Variants in EMX1 observed in about 807,000 individuals in gnomAD.
EMX1 encodes the protein homeobox protein EMX1.
In EMX1, 10 loss-of-function variants were observed where a neutral mutation model predicts 20.1. The observed-to-expected ratio is 0.50, with a 90% CI of 0.31 to 0.84. The LOEUF (loss-of-function observed/expected upper bound fraction) is 0.84, where lower values mean the gene tolerates loss of function less well. EMX1 is among the 40% of genes least tolerant of loss of function. EMX1 has a pLI of 0.05. For synonymous variants in EMX1, 250 were observed against 200.4 expected (o/e 1.25, Z -2.09); for missense variants, 424 against 431.9 (o/e 0.98, Z 0.16).
Position 72,924,328 on chromosome 2 carries a change from C to T in EMX1, c.540C>T (p.Asp180=), listed in dbSNP as rs777660471. The change falls in exon 2 of 3, where the codon GAC becomes GAT. Residue 180 remains aspartate, a synonymous_variant. Coordinates refer to ENST00000258106, the MANE Select transcript of EMX1 (RefSeq NM_004097.3). ...HRFQASDVPQ[D]GLLLHGPFAR... is the part of the protein sequence containing the mutation. Reference sequence around the variant, plus strand: ...CCGCAGCCAGCGACGTGCCCCAGGACGGGCTGCTTCTGCACGGCCCCTTCG... The same window carrying T: ...CCGCAGCCAGCGACGTGCCCCAGGATGGGCTGCTTCTGCACGGCCCCTTCG... 1.1e-5 allele frequency: 17 copies of T among 1,573,256 alleles called. No individual in the cohort carries two copies. The East Asian group carries it at 2.3e-4, about 21-fold the overall frequency.
In EMX1 at chr2:72,934,205, C is replaced by T; in HGVS notation, c.*251C>T. ...TGGGCGGGCCCGCCCGCCACCGCAG[C>T]CTCCCAGCTGCTCTCCGTGTCTCCA... On this transcript the variant is annotated 3_prime_UTR_variant, in exon 3 of 3. Coordinates refer to ENST00000258106, the MANE Select transcript of EMX1 (RefSeq NM_004097.3). The T allele has an allele frequency of 1.9e-6, 1 of 519,254 alleles. No individual in the cohort carries two copies. The allele number at this position is 519,254 out of a possible 1,614,324, so 32.2% of individuals were successfully genotyped here. A position where few individuals can be genotyped will look rare whatever the true frequency, so the allele number is the denominator to read the frequency against.
chr2:72,918,535 A>G (rs764282133), intron 1 of EMX1, among the ~76,000 whole-genome samples, 163 bp downstream of exon 1: 2 of 152,156 alleles, frequency 1.3e-5, no homozygotes, highest in African/African-American at 2.4e-5. Context: ...TGCGGCATCC[A>G]CCCGCGCCTT....
intron 2 of EMX1, chr2:72,933,064 C>T (rs111905789): frequency 0.015 from 2,360 of 152,432 alleles, 30 homozygotes; most frequent in Non-Finnish European, 0.025. Context: ...GGACAAGGCC[C>T]CCCACCTGCC....
chr2:72,932,681 G>C lies in EMX1; in HGVS notation c.706-1106G>C, dbSNP rs1220886214. Among the ~76,000 whole-genome samples, 9 of 152,186 alleles carry C rather than the reference G, an allele frequency of 5.9e-5. 1 individual carries two copies. The South Asian group carries it at 1.5e-3, about 25-fold the overall frequency. On this transcript the variant is annotated intron_variant, in intron 2 of 2. Transcript: ENST00000258106. ...GAGGGAAAAGAGGCTTCCTGGAGGA[G>C]ATGGCTTAGAACCATAGACCTGCCC...
chr2:72,925,957 G>A, intron 2 of EMX1: 1 of 985,370 alleles, frequency 1.0e-6, no homozygotes. Context: ...ACGTTTCAAA[G>A]AAAGATGTGT....
At chr2:72,923,410 G>A (rs532820643) in intron 1 of EMX1, 1 of 152,318 alleles carries the variant, frequency 6.6e-6, no homozygotes, top group East Asian at 1.9e-4. Context: ...TTTAGCAAGG[G>A]ACTATTCAGG....
chr2:72,921,953 C>T (rs947737556), intron 1 of EMX1, among the ~76,000 whole-genome samples: 2 of 152,248 alleles, frequency 1.3e-5, no homozygotes, highest in Admixed American at 1.3e-4. Context: ...CTGACATATA[C>T]CACATAATTA....
intron 2 of EMX1, chr2:72,925,460 C>T (rs1671181263): frequency 7.8e-7 from 1 of 1,288,568 alleles, no homozygotes; most frequent in Non-Finnish European, 1.0e-6. Context: ...TGGAGTGGGG[C>T]TCAGCGACCC....
chr2:72,925,513 TGCCGGCCG>T (rs1435522765), intron 2 of EMX1: 1 of 1,288,892 alleles, frequency 7.8e-7, no homozygotes, highest in Admixed American at 2.3e-5. Flanking sequence ...AGTCTCTGCG[TGCCGGCCG>T]GCTCCCAGAG....
At chr2:72,926,906 G>C (rs1028096811) in intron 2 of EMX1, among the ~76,000 whole-genome samples, 10 of 151,918 alleles carry the variant, frequency 6.6e-5, no homozygotes, top group Non-Finnish European at 1.5e-4. Flanking sequence ...TTCTCTATCC[G>C]CCTCTTGGTA....
chr2:72,928,942 C>T (rs954904789), intron 2 of EMX1, among the ~76,000 whole-genome samples: 3 of 152,172 alleles, frequency 2.0e-5, no homozygotes, highest in African/African-American at 7.2e-5. Flanking sequence ...GATAGAGCCA[C>T]CATCTTGGAG....
intron 1 of EMX1, among the ~76,000 whole-genome samples, chr2:72,920,406 T>G (rs1227148232): frequency 2.0e-5 from 3 of 152,106 alleles, no homozygotes; most frequent in Non-Finnish European, 4.4e-5. Flanking sequence ...GACCCGGAAA[T>G]CCGTTGGGCA....
rs1671323088 is a variant in EMX1 at position 72,933,852 on chromosome 2, T to C, written c.771T>C (p.Pro257=). The C allele has an allele frequency of 5.0e-6, 8 of 1,614,102 alleles. No individual in the cohort carries two copies. The highest frequency in any genetic ancestry group is 4.0e-5 in the African/African-American group (3 of 74,938). ...GGCAGAAGCTGGAGGAGGAAGGGCC[T>C]GAGTCCGAGCAGAAGAAGAAGGGCT... ...YKRQKLEEEG[P]ESEQKKKGSH... The change falls in exon 3 of 3, where the codon CCT becomes CCC. Residue 257 remains proline, a synonymous_variant. Transcript: ENST00000258106.
At chr2:72,931,389 G>A (rs1240004416) in intron 2 of EMX1, among the ~76,000 whole-genome samples, 2 of 152,228 alleles carry the variant, frequency 1.3e-5, no homozygotes, top group Admixed American at 6.5e-5. Context: ...CCGGTCCCTG[G>A]TACTGCCCGC....
chr2:72,927,302 T>C (rs902273877), intron 2 of EMX1, among the ~76,000 whole-genome samples: 1 of 152,210 alleles, frequency 6.6e-6, no homozygotes, highest in African/African-American at 2.4e-5. Flanking sequence ...TGTCTGGTAA[T>C]GGTTATCTAT....
chr2:72,933,731 G>A, intron 2 of EMX1, 56 bp from the exon 3 acceptor site: 1 of 1,594,450 alleles, frequency 6.3e-7, no homozygotes, highest in Non-Finnish European at 8.6e-7. Flanking sequence ...AGGCCCCAGT[G>A]GCTGCTCTGG....
chr2:72,917,669 C>CG lies in EMX1; in HGVS notation c.-183dup. The CG allele has an allele frequency of 5.7e-6, 2 of 350,780 alleles. No homozygotes were observed. Among genetic ancestry groups the CG allele is most frequent in the Non-Finnish European group, 9.1e-6 (2 of 220,234 alleles). 21.7% of individuals were successfully genotyped at this position (350,780 alleles called of 1,614,324 possible). A position where few individuals can be genotyped will look rare whatever the true frequency, so the allele number is the denominator to read the frequency against. On this transcript the variant is annotated 5_prime_UTR_variant, in exon 1 of 3. Transcript: ENST00000258106. ...GCAGCTCGCAGCCTAGCACGGAGCCCGCGCCTGTGCGGGCGCCTGGAGCTG... is the reference window on the plus strand; with the variant it reads ...GCAGCTCGCAGCCTAGCACGGAGCCCGGCGCCTGTGCGGGCGCCTGGAGCTG...
At chr2:72,927,322 T>C (rs1233463625) in intron 2 of EMX1, among the ~76,000 whole-genome samples, 5 of 152,254 alleles carry the variant, frequency 3.3e-5, no homozygotes, top group African/African-American at 1.2e-4. Context: ...TTATTGGCTC[T>C]GGCTTTGTCT....
At chr2:72,926,074 C>T in intron 2 of EMX1, 1 of 983,586 alleles carries the variant, frequency 1.0e-6, no homozygotes, top group Non-Finnish European at 1.2e-6. Flanking sequence ...TTATAATTAA[C>T]TTCATTTAAA....
Sources: allele counts gnomAD v4.1 joint callset (sites outside exome capture counted in the v4.1 genomes callset), GRCh38; gene constraint gnomAD v4.1.1; transcripts MANE v1.5; gene names NCBI Gene and HGNC (gene_info 2026-07-23, HGNC 2026-07-21).